Variants in MFHAS1 observed in about 807,000 individuals in gnomAD.
The protein encoded by MFHAS1 is malignant fibrous histiocytoma-amplified sequence 1.
MFHAS1 carries 50 observed loss-of-function variants against 70.4 expected under a neutral mutation model. That is an observed-to-expected ratio of 0.71 (90% CI 0.57 to 0.90). MFHAS1 has a LOEUF of 0.90. MFHAS1 is among the 40% of genes least tolerant of loss of function. The pLI, the probability that MFHAS1 is intolerant of heterozygous loss-of-function variation, is 0.00. For synonymous variants in MFHAS1, 952 were observed against 620.0 expected, an observed-to-expected ratio of 1.54 and a Z score of -7.96; for missense variants, 1,795 against 1,347.6, an observed-to-expected ratio of 1.33 and a Z score of -5.20.
chr8:8,824,519 TTTCACACACA>T (rs1807081925), intron 1 of MFHAS1, among the ~76,000 whole-genome samples: 1 of 102,520 alleles, frequency 9.8e-6, no homozygotes, highest in Non-Finnish European at 2.0e-5. Context: ...TTTCTCTCTC[TTTCACACACA>T]CACACACACA....
chr8:8,875,212 G>C (rs1809244597), intron 1 of MFHAS1, among the ~76,000 whole-genome samples: 1 of 152,004 alleles, frequency 6.6e-6, no homozygotes, highest in Non-Finnish European at 1.5e-5. Context: ...CTCTACTTCG[G>C]GGATTACTGC....
At chr8:8,869,667 C>T (rs947834850) in intron 1 of MFHAS1, among the ~76,000 whole-genome samples, 1 of 152,158 alleles carries the variant, frequency 6.6e-6, no homozygotes, top group African/African-American at 2.4e-5. Flanking sequence ...TGAAATTAAT[C>T]TTATCAAATC....
chr8:8,849,460 A>G (rs1808159564), intron 1 of MFHAS1, among the ~76,000 whole-genome samples: 1 of 152,164 alleles, frequency 6.6e-6, no homozygotes, highest in Admixed American at 6.5e-5. Context: ...TTCTGCCTTC[A>G]CCACCCCACA....
Position 8,892,917 on chromosome 8 carries a change from G to A in MFHAS1, c.142C>T (p.Leu48Phe), listed in dbSNP as rs1563227654. The A allele has an allele frequency of 6.4e-7, 1 of 1,560,322 alleles. No homozygotes were observed. Among genetic ancestry groups the A allele is most frequent in the Non-Finnish European group, 8.7e-7 (1 of 1,155,924 alleles). Residue 48 changes from leucine to phenylalanine, a missense_variant, in exon 1 of 3, where the codon CTC becomes TTC. Transcript: ENST00000276282. This position sits in a 1 kb window ranked among gnomAD's most constrained non-coding sequence, Gnocchi z 4.7. ...GACPGAGADA[L>F]ESPASPQLVL... is the part of the protein sequence containing the mutation. ...AGCTGGGGGGAGGCGGGGGACTCGA[G>A]CGCGTCGGCCCCGGCCCCGGGGCAG... is the stretch of plus-strand genomic sequence containing the variant.
chr8:8,787,814 C>T (rs766763326), intron 2 of MFHAS1, among the ~76,000 whole-genome samples: 2 of 152,210 alleles, frequency 1.3e-5, no homozygotes, highest in Non-Finnish European at 2.9e-5. Flanking sequence ...CCGGGCTACA[C>T]GTAAGACTGA....
At chr8:8,835,804 C>T (rs1419703274) in intron 1 of MFHAS1, among the ~76,000 whole-genome samples, 1 of 152,192 alleles carries the variant, frequency 6.6e-6, no homozygotes. Context: ...TTTTCATGGC[C>T]TCTTGTGATT....
Position 8,892,968 on chromosome 8 carries a change from G to A in MFHAS1, c.91C>T (p.Gln31Ter). 1 of 1,543,628 alleles carries A rather than the reference G, an allele frequency of 6.5e-7. No individual in the cohort carries two copies. The highest frequency in any genetic ancestry group is 8.7e-7 in the Non-Finnish European group (1 of 1,146,792). Residue 31 changes from glutamine (Q) to a stop codon, truncating the protein, a stop_gained, in exon 1 of 3, where the codon CAG becomes TAG. Transcript: ENST00000276282. LOFTEE classifies it high-confidence loss of function. This position sits in a 1 kb window ranked among gnomAD's most constrained non-coding sequence, Gnocchi z 4.7. ...RARKLRSNLR[Q>*]LTLTAAGACP... ...GCCCCGGCGGCGGTAAGCGTGAGCT[G>A]GCGCAGGTTGCTCCGCAGCTTCCTG... is the stretch of plus-strand genomic sequence containing the variant.
intron 1 of MFHAS1, among the ~76,000 whole-genome samples, chr8:8,828,745 C>A (rs1807257074): frequency 6.6e-6 from 1 of 152,198 alleles, no homozygotes; most frequent in South Asian, 2.1e-4. Context: ...TCTGTGCAGT[C>A]CTCACGGCGT....
At chr8:8,881,103 A>T (rs761394521) in intron 1 of MFHAS1, among the ~76,000 whole-genome samples, 1 of 152,198 alleles carries the variant, frequency 6.6e-6, no homozygotes. Context: ...TCCAACGTGC[A>T]CTTTTTAGAC....
intron 1 of MFHAS1, among the ~76,000 whole-genome samples, chr8:8,801,092 G>C (rs1182210701): frequency 6.6e-6 from 1 of 152,106 alleles, no homozygotes; most frequent in African/African-American, 2.4e-5. Context: ...GCACGCGCCT[G>C]TAGTCCCAGC....
At chr8:8,846,685 C>A (rs1486228253) in intron 1 of MFHAS1, among the ~76,000 whole-genome samples, 1 of 152,086 alleles carries the variant, frequency 6.6e-6, no homozygotes, top group Non-Finnish European at 1.5e-5. Flanking sequence ...GTCTCGGGGC[C>A]TCTGCACTTG....
Position 8,784,686 on chromosome 8 carries a change from A to C in MFHAS1, c.*1336T>G, listed in dbSNP as rs1805473476. 6.6e-6 allele frequency: 1 copy of C among 152,212 alleles called. No individual in the cohort carries two copies. Among genetic ancestry groups the C allele is most frequent in the Non-Finnish European group, 1.5e-5 (1 of 68,046 alleles). 9.4% of individuals were successfully genotyped at this position (152,212 alleles called of 1,614,324 possible). On this transcript the variant is annotated 3_prime_UTR_variant, in exon 3 of 3. Coordinates refer to ENST00000276282, the MANE Select transcript of MFHAS1 (RefSeq NM_004225.3). ...ACCAGCAACTCACTCTTCTTGTCTGAGGCTGGCGAGAAGCAGTCAGTTTTA... is the reference window on the plus strand; with the variant it reads ...ACCAGCAACTCACTCTTCTTGTCTGCGGCTGGCGAGAAGCAGTCAGTTTTA...
intron 1 of MFHAS1, among the ~76,000 whole-genome samples, chr8:8,856,918 A>G (rs1024997553): frequency 1.3e-5 from 2 of 150,894 alleles, no homozygotes; most frequent in African/African-American, 2.4e-5. Flanking sequence ...AGAAAGAGAA[A>G]TATATTCTAG....
rs141836174 is a variant in MFHAS1, at chr8:8,891,367, G to C, written c.1692C>G (p.His564Gln). 399 of 1,611,418 alleles carry C rather than the reference G, an allele frequency of 2.5e-4. 2 individuals are homozygous for C. The highest frequency in any genetic ancestry group is 1.0e-3 in the South Asian group (94 of 91,086). ...CCAAGCGGCTCAGTCCCTCCGCGTC[G>C]TGCTTCTCCTGCAGGGCGATCTGGC... ...IHRQIALQEK[H>Q]DAEGLSRLAK... The change falls in exon 1 of 3, where the codon CAC becomes CAG. Residue 564 changes from histidine (H) to glutamine (Q), a missense_variant. Transcript: ENST00000276282. This position sits in a 1 kb window ranked among gnomAD's most constrained non-coding sequence, Gnocchi z 5.4.
At chr8:8,856,910 A>G (rs1457225736) in intron 1 of MFHAS1, among the ~76,000 whole-genome samples, 1 of 150,726 alleles carries the variant, frequency 6.6e-6, no homozygotes, top group African/African-American at 2.4e-5. Flanking sequence ...TCTAGATCAG[A>G]AAGAGAAATA....
chr8:8,852,205 C>T (rs191927551), intron 1 of MFHAS1, among the ~76,000 whole-genome samples: 126 of 152,252 alleles, frequency 8.3e-4, no homozygotes, highest in Non-Finnish European at 7.8e-4. Context: ...TGTCCAGGTG[C>T]GGTGACTCAC....
At chr8:8,829,815 A>G (rs7013471) in intron 1 of MFHAS1, among the ~76,000 whole-genome samples, 66,915 of 152,060 alleles carry the variant, frequency 0.44, 15,578 homozygotes, top group Non-Finnish European at 0.53. Flanking sequence ...CATTTCAGAT[A>G]AATACAAAAA....
chr8:8,860,571 G>A (rs1228235006), intron 1 of MFHAS1, among the ~76,000 whole-genome samples: 1 of 152,176 alleles, frequency 6.6e-6, no homozygotes, highest in African/African-American at 2.4e-5. Flanking sequence ...CTCTTCCTGT[G>A]GTGCTGAGAG....
intron 2 of MFHAS1, among the ~76,000 whole-genome samples, chr8:8,794,175 G>C (rs557008758): frequency 1.8e-4 from 27 of 151,956 alleles, no homozygotes; most frequent in Non-Finnish European, 3.5e-4. Flanking sequence ...GGGTGACAGA[G>C]TGAGACCCTT....
Sources: gnomAD v4.1 joint callset for allele counts (sites outside exome capture counted in the v4.1 genomes callset) on GRCh38, gnomAD v4.1.1 for gene constraint, Gnocchi (gnomAD v3.1) non-coding constraint, MANE v1.5 for transcripts, NCBI Gene and HGNC (gene_info 2026-07-23, HGNC 2026-07-21) for gene names.